FBXL7: variants seen among roughly 807,000 people sequenced by gnomAD.
FBXL7 encodes F-box/LRR-repeat protein 7.
A neutral mutation model predicts 38.3 loss-of-function variants in FBXL7; 12 were observed. The ratio of observed to expected loss-of-function variants is 0.31; its 90% confidence interval spans 0.20 to 0.51. FBXL7 has a LOEUF of 0.51. Among genes scored for constraint, FBXL7 ranks in the 20% least tolerant of loss-of-function variants. FBXL7 has a pLI of 0.98. For missense variants in FBXL7, 567 were observed against 676.4 expected (o/e 0.84, Z 1.79); for synonymous variants, 297 against 300.9 (o/e 0.99, Z 0.13).
intron 1 of FBXL7, among the ~76,000 whole-genome samples, chr5:15,601,708 C>T (rs1015787737): frequency 4.6e-5 from 7 of 152,092 alleles, no homozygotes; most frequent in South Asian, 2.1e-4. Flanking sequence ...ATTTTCCACC[C>T]GTAATAATAC....
At chr5:15,788,537 G>A (rs1451347856) in intron 2 of FBXL7, among the ~76,000 whole-genome samples, 1 of 152,086 alleles carries the variant, frequency 6.6e-6, no homozygotes, top group Non-Finnish European at 1.5e-5. Flanking sequence ...GCCTATAAGG[G>A]CTTATTAGAT....
At chr5:15,609,584 T>C (rs1740154731) in intron 1 of FBXL7, among the ~76,000 whole-genome samples, 1 of 152,176 alleles carries the variant, frequency 6.6e-6, no homozygotes, top group South Asian at 2.1e-4. Context: ...GGCAATCTGC[T>C]CTCTTGTTGC....
chr5:15,567,091 A>G (rs1329971089), intron 1 of FBXL7, among the ~76,000 whole-genome samples: 1 of 152,174 alleles, frequency 6.6e-6, no homozygotes, highest in East Asian at 1.9e-4. Context: ...GAGGGCAACA[A>G]CATCCTGAAT....
At chr5:15,724,408 A>G (rs570526920) in intron 2 of FBXL7, among the ~76,000 whole-genome samples, 1 of 152,296 alleles carries the variant, frequency 6.6e-6, no homozygotes, top group South Asian at 2.1e-4. Context: ...AAATTTTGAC[A>G]TATGTTTACA....
chr5:15,929,447 C>A (rs534437713), intron 3 of FBXL7, among the ~76,000 whole-genome samples: 5 of 152,148 alleles, frequency 3.3e-5, no homozygotes, highest in African/African-American at 1.2e-4. Context: ...AGCGAGACCC[C>A]TCTCTCCACA....
chr5:15,545,306 G>C (rs1374997940), intron 1 of FBXL7, among the ~76,000 whole-genome samples: 2 of 152,160 alleles, frequency 1.3e-5, no homozygotes, highest in African/African-American at 4.8e-5. Flanking sequence ...GTTAACATAA[G>C]ACTATCTTAG....
At chr5:15,699,863 T>C (rs1743467533) in intron 2 of FBXL7, among the ~76,000 whole-genome samples, 1 of 152,164 alleles carries the variant, frequency 6.6e-6, no homozygotes, top group Non-Finnish European at 1.5e-5. Flanking sequence ...GCTGAATGTA[T>C]TGGGTAAAAG....
intron 2 of FBXL7, among the ~76,000 whole-genome samples, chr5:15,663,776 C>T (rs764699450): frequency 6.6e-6 from 1 of 152,042 alleles, no homozygotes; most frequent in African/African-American, 2.4e-5. Context: ...TTTGCCTGCT[C>T]CTTTATTATT....
At chr5:15,509,833 C>CT (rs1388104136) in intron 1 of FBXL7, among the ~76,000 whole-genome samples, 4 of 152,242 alleles carry the variant, frequency 2.6e-5, no homozygotes, top group African/African-American at 9.6e-5. Context: ...TGCCTGGGTG[C>CT]TTCCCCAGCC....
At chr5:15,880,162 G>T (rs921584021) in intron 2 of FBXL7, among the ~76,000 whole-genome samples, 1 of 152,166 alleles carries the variant, frequency 6.6e-6, no homozygotes, top group African/African-American at 2.4e-5. Context: ...AGAGGGTGCT[G>T]CTGGTGCTGC....
At chr5:15,774,331 G>A (rs970154444) in intron 2 of FBXL7, among the ~76,000 whole-genome samples, 1 of 151,904 alleles carries the variant, frequency 6.6e-6, no homozygotes, top group Non-Finnish European at 1.5e-5. Flanking sequence ...CTCTTAACTT[G>A]ATCTACACGT....
rs138262446 is a variant in FBXL7 at position 15,930,499 on chromosome 5, C to A, written c.739+1998C>A. Among the ~76,000 whole-genome samples, 1,101 of 152,194 alleles carry A rather than the reference C, an allele frequency of 7.2e-3. 10 individuals are homozygous for A. The highest frequency in any genetic ancestry group is 0.025 in the African/African-American group (1,020 of 41,498). On this transcript the variant is annotated intron_variant, in intron 3 of 3. Coordinates refer to ENST00000504595, the MANE Select transcript of FBXL7 (RefSeq NM_012304.5). ...TAATTGTACCCTCTTTTGGAGGGTC[C>A]TTTTGAAGTTCAGAAATGCAGAAAC...
At chr5:15,654,847 CTTTATT>C (rs1163956737) in intron 2 of FBXL7, among the ~76,000 whole-genome samples, 2 of 152,074 alleles carry the variant, frequency 1.3e-5, no homozygotes, top group Non-Finnish European at 2.9e-5. Context: ...ATAAGTCTTA[CTTTATT>C]TTTATATATA....
intron 1 of FBXL7, among the ~76,000 whole-genome samples, chr5:15,593,492 C>G (rs1739538185): frequency 6.6e-6 from 1 of 152,106 alleles, no homozygotes; most frequent in South Asian, 2.1e-4. Context: ...CCACTGCACT[C>G]TAGTCTGGGC....
At chr5:15,672,088 A>G (rs1742496680) in intron 2 of FBXL7, among the ~76,000 whole-genome samples, 1 of 152,160 alleles carries the variant, frequency 6.6e-6, no homozygotes, top group African/African-American at 2.4e-5. Flanking sequence ...TCCCATGACT[A>G]TACTCTGGGT....
intron 1 of FBXL7, among the ~76,000 whole-genome samples, chr5:15,551,719 T>C (rs1489906001): frequency 6.6e-6 from 1 of 152,266 alleles, no homozygotes; most frequent in African/African-American, 2.4e-5. Flanking sequence ...CTCTTCATTT[T>C]TTCTGTATCT....
At chr5:15,577,307 G>T (rs1738998531) in intron 1 of FBXL7, among the ~76,000 whole-genome samples, 1 of 152,064 alleles carries the variant, frequency 6.6e-6, no homozygotes, top group Admixed American at 6.6e-5. Flanking sequence ...TTCAGAGATT[G>T]GCCTCTATTG....
intron 2 of FBXL7, among the ~76,000 whole-genome samples, chr5:15,673,121 G>C (rs1742536688): frequency 6.6e-6 from 1 of 151,978 alleles, no homozygotes; most frequent in Non-Finnish European, 1.5e-5. Flanking sequence ...TTTGAGACCA[G>C]CCTGGCCAAC....
intron 2 of FBXL7, among the ~76,000 whole-genome samples, chr5:15,850,946 G>A (rs981892099): frequency 2.0e-5 from 3 of 152,156 alleles, no homozygotes; most frequent in Non-Finnish European, 4.4e-5. Flanking sequence ...CTTGGCTGTC[G>A]CCAGCATGTA....
Sources: gnomAD v4.1 joint callset for allele counts (sites outside exome capture counted in the v4.1 genomes callset) on GRCh38, gnomAD v4.1.1 for gene constraint, MANE v1.5 for transcripts, NCBI Gene and HGNC (gene_info 2026-07-23, HGNC 2026-07-21) for gene names.